Variants in IMMP2L observed in about 807,000 individuals in gnomAD.
IMMP2L encodes mitochondrial inner membrane protease subunit 2.
IMMP2L carries 18 observed loss-of-function variants against 19.3 expected under a neutral mutation model. That is an observed-to-expected ratio of 0.93 (90% confidence interval 0.64 to 1.38). IMMP2L has a LOEUF of 1.38. Ranked by LOEUF, IMMP2L falls within the 40% of genes most tolerant of loss-of-function variation. The probability of loss-of-function intolerance (pLI) is 0.00; values close to 1 mark genes in which losing one functional copy is unlikely to be tolerated. For missense variants in IMMP2L, 233 were observed against 218.2 expected, an observed-to-expected ratio of 1.07 and a Z score of -0.43; for synonymous variants, 76 against 73.0, an observed-to-expected ratio of 1.04 and a Z score of -0.21.
At chr7:111,276,323 T>G (rs767229484) in intron 3 of IMMP2L, among the ~76,000 whole-genome samples, 4 of 152,226 alleles carry the variant, frequency 2.6e-5, no homozygotes, top group Non-Finnish European at 5.9e-5. Flanking sequence ...ATTAATCTCT[T>G]TGATGTGCTG....
intron 5 of IMMP2L, among the ~76,000 whole-genome samples, chr7:110,706,953 T>A (rs1794730915): frequency 6.6e-6 from 1 of 151,826 alleles, no homozygotes; most frequent in Admixed American, 6.6e-5. Flanking sequence ...TCCTTGGCTT[T>A]CTTCTAGGAT....
chr7:111,389,866 T>C (rs1046722275), intron 3 of IMMP2L, among the ~76,000 whole-genome samples: 8 of 152,180 alleles, frequency 5.3e-5, no homozygotes, highest in African/African-American at 1.9e-4. Flanking sequence ...ACAGCCTATA[T>C]AATTCTAAGG....
At chr7:111,520,219 T>C (rs1391864525) in intron 2 of IMMP2L, among the ~76,000 whole-genome samples, 1 of 152,164 alleles carries the variant, frequency 6.6e-6, no homozygotes, top group Non-Finnish European at 1.5e-5. Flanking sequence ...TCAAAGTAAG[T>C]GACCAGTTTG....
At chr7:111,048,271 AAAG>A (rs1275525332) in intron 3 of IMMP2L, among the ~76,000 whole-genome samples, 6 of 149,602 alleles carry the variant, frequency 4.0e-5, no homozygotes, top group Admixed American at 1.3e-4. Context: ...AAAAAGAAAA[AAAG>A]AAAAAAGAAA....
At chr7:111,074,892 T>C (rs1795256318) in intron 3 of IMMP2L, among the ~76,000 whole-genome samples, 1 of 152,172 alleles carries the variant, frequency 6.6e-6, no homozygotes, top group South Asian at 2.1e-4. Context: ...GTACATAGAA[T>C]CTTTAAGAAC....
At chr7:111,442,486 T>C (rs903462386) in intron 3 of IMMP2L, among the ~76,000 whole-genome samples, 3 of 151,762 alleles carry the variant, frequency 2.0e-5, no homozygotes, top group African/African-American at 7.3e-5. Flanking sequence ...CTTTGCTCCC[T>C]ATATAAACTT....
chr7:111,252,801 C>T (rs1816295152), intron 3 of IMMP2L, among the ~76,000 whole-genome samples: 1 of 151,922 alleles, frequency 6.6e-6, no homozygotes, highest in African/African-American at 2.4e-5. Context: ...AAGACCCAAA[C>T]ATTAGAAAAT....
intron 3 of IMMP2L, among the ~76,000 whole-genome samples, chr7:111,294,435 T>A (rs1821417919): frequency 1.3e-5 from 2 of 151,954 alleles, no homozygotes; most frequent in Non-Finnish European, 2.9e-5. Context: ...ATGGAAGTTT[T>A]TTCAAAACAA....
At chr7:110,947,472 G>C (rs1817378808) in intron 4 of IMMP2L, among the ~76,000 whole-genome samples, 1 of 152,122 alleles carries the variant, frequency 6.6e-6, no homozygotes, top group Non-Finnish European at 1.5e-5. Context: ...ATCCTCAAAA[G>C]ACGGCCCCAG....
At chr7:111,504,144 C>T (rs1206686530) in intron 2 of IMMP2L, among the ~76,000 whole-genome samples, 7 of 152,002 alleles carry the variant, frequency 4.6e-5, no homozygotes, top group African/African-American at 9.6e-5. Flanking sequence ...AAAATCAATG[C>T]ACAAAAATCA....
chr7:110,966,882 T>C (rs1234963243), intron 3 of IMMP2L, among the ~76,000 whole-genome samples: 1 of 152,058 alleles, frequency 6.6e-6, no homozygotes, highest in Non-Finnish European at 1.5e-5. Context: ...TCTTGGCCAC[T>C]TTCCTATCTC....
chr7:111,553,398 A>G (rs1025940922), intron 1 of IMMP2L, among the ~76,000 whole-genome samples: 8 of 152,198 alleles, frequency 5.3e-5, no homozygotes, highest in Admixed American at 1.3e-4. Context: ...GAGACACAGT[A>G]TATGTCCCTG....
intron 5 of IMMP2L, among the ~76,000 whole-genome samples, chr7:110,802,203 C>T (rs1385444399): frequency 1.3e-5 from 2 of 151,944 alleles, no homozygotes; most frequent in African/African-American, 4.8e-5. Context: ...TAAAAGGAAG[C>T]TTACATTATT....
At chr7:110,898,713 T>C (rs1315488261) in intron 4 of IMMP2L, among the ~76,000 whole-genome samples, 2 of 151,654 alleles carry the variant, frequency 1.3e-5, no homozygotes, top group Non-Finnish European at 2.9e-5. Context: ...CACATACTGA[T>C]GGGCTGAGTC....
At chr7:110,737,550 C>T (rs965669403) in intron 5 of IMMP2L, among the ~76,000 whole-genome samples, 2 of 152,202 alleles carry the variant, frequency 1.3e-5, no homozygotes, top group Non-Finnish European at 2.9e-5. Context: ...TCAGACATGC[C>T]TGTCTCTGCT....
intron 3 of IMMP2L, among the ~76,000 whole-genome samples, chr7:111,391,134 A>G (rs1490653876): frequency 6.6e-6 from 1 of 152,150 alleles, no homozygotes; most frequent in African/African-American, 2.4e-5. Context: ...CTTATTGCTA[A>G]TATGTAAACG....
At chr7:111,523,376 T>C (rs574797913) in intron 1 of IMMP2L, among the ~76,000 whole-genome samples, 1 of 152,028 alleles carries the variant, frequency 6.6e-6, no homozygotes, top group Non-Finnish European at 1.5e-5. Context: ...AAACATTATG[T>C]TGTATACAAT....
At chr7:110,965,963 A>C (rs1357656897) in intron 3 of IMMP2L, among the ~76,000 whole-genome samples, 1 of 152,026 alleles carries the variant, frequency 6.6e-6, no homozygotes, top group Admixed American at 6.6e-5. Context: ...GATGATTACG[A>C]ATGTATGCCA....
At chr7:110,953,912 T>C (rs144757823) in intron 4 of IMMP2L, among the ~76,000 whole-genome samples, 53 of 152,170 alleles carry the variant, frequency 3.5e-4, no homozygotes. Context: ...ATTTCTCTGA[T>C]GACCAGTGAT....
Sources: allele counts gnomAD v4.1 joint callset (sites outside exome capture counted in the v4.1 genomes callset), GRCh38; gene constraint gnomAD v4.1.1; transcripts MANE v1.5; gene names NCBI Gene and HGNC (gene_info 2026-07-23, HGNC 2026-07-21).